The following FSIP2 variants were observed in gnomAD, a reference collection of about 807,000 sequenced individuals.
FSIP2 encodes fibrous sheath-interacting protein 2.
A neutral mutation model predicts 510.5 loss-of-function variants in FSIP2; 367 were observed. The observed-to-expected ratio is 0.72, with a 90% CI of 0.66 to 0.78. The LOEUF (loss-of-function observed/expected upper bound fraction) is 0.78, where lower values mean the gene tolerates loss of function less well. Ranked by LOEUF, FSIP2 falls within the 30% of genes least tolerant of loss-of-function variation. The pLI is 0.00. For synonymous variants in FSIP2, 2,601 were observed against 2,732.2 expected (o/e 0.95, Z 1.50); for missense variants, 7,594 against 7,901.7 (o/e 0.96, Z 1.48).
Position 185,794,554 on chromosome 2 carries a change from G to A in FSIP2, c.7418G>A (p.Gly2473Glu), listed in dbSNP as rs1201520022. The change falls in exon 16 of 23, where the codon GGA (glycine) becomes GAA (glutamate). Residue 2473 changes from glycine (G) to glutamate (E), a missense_variant. Gly to Glu is a moderately conservative substitution (Grantham distance 98, BLOSUM62 -2). Transcript: ENST00000424728. Reference protein sequence around the residue: ...IVLEEIFMRNGESKNKEKGEL... With the variant: ...IVLEEIFMRNEESKNKEKGEL... The stretch of plus-strand genomic sequence containing the variant: ...TTGGAAGAAATATTTATGAGAAATG[G>A]AGAATCAAAAAACAAAGAAAAAGGT... The A allele has an allele frequency of 1.3e-6, 2 of 1,530,726 alleles. No homozygotes were observed. The highest frequency in any genetic ancestry group is 1.7e-6 in the Non-Finnish European group (2 of 1,144,720). The allele number at this position is 1,530,726 out of a possible 1,614,324, so 94.8% of individuals were successfully genotyped here.
chr2:185,831,904 C>A (rs747837451), intron 22 of FSIP2, 22 bp downstream of exon 22: 12 of 1,432,006 alleles, frequency 8.4e-6, no homozygotes, highest in Non-Finnish European at 1.2e-5. Context: ...ACTATTTTAA[C>A]AACTGGTGTA....
rs1470466343 is a variant in FSIP2, at chr2:185,747,383, A to G, written c.830A>G (p.Glu277Gly). 6.5e-7 allele frequency: 1 copy of G among 1,531,626 alleles called. No individual in the cohort carries two copies. The highest frequency in any genetic ancestry group is 1.4e-5 in the African/African-American group (1 of 72,894). The allele number at this position is 1,531,626 out of a possible 1,614,324, so 94.9% of individuals were successfully genotyped here. ...AEDVKREERI[E>G]EQQHRNREES... Reference sequence around the variant, plus strand: ...GATGTTAAAAGAGAAGAGAGGATAGAAGAACAACAGCATAGAAACAGAGAA... The same window carrying G: ...GATGTTAAAAGAGAAGAGAGGATAGGAGAACAACAGCATAGAAACAGAGAA... The change falls in exon 7 of 23, where the codon GAA becomes GGA. Residue 277 changes from glutamate to glycine, a missense_variant. Coordinates refer to ENST00000424728, the MANE Select transcript of FSIP2 (RefSeq NM_173651.4).
chr2:185,791,039 T>C lies in FSIP2; in HGVS notation c.3903T>C (p.Ile1301=). 6.5e-7 allele frequency: 1 copy of C among 1,532,274 alleles called. No individual in the cohort carries two copies. The highest frequency in any genetic ancestry group is 2.5e-5 in the East Asian group (1 of 40,798). 94.9% of individuals were successfully genotyped at this position (1,532,274 alleles called of 1,614,324 possible). ...AGTACACAGCTAAAATAGTAAACAT[T>C]GTTTTATGTGCTATCCAGAATGAAC... ...LSKYTAKIVN[I]VLCAIQNELE... The change falls in exon 16 of 23, where the codon ATT becomes ATC. Residue 1301 remains isoleucine, a synonymous_variant. Transcript: ENST00000424728.
rs1340219118 is a variant in FSIP2 at position 185,804,887 on chromosome 2, T to C, written c.15581T>C (p.Ile5194Thr). Residue 5194 changes from isoleucine (I) to threonine (T), a missense_variant, in exon 17 of 23, where the codon ATA becomes ACA. Transcript: ENST00000424728. ...CCTATTGAAAATTTGGTCGACTCCA[T>C]ATGTAATAATATTTTGAAAACATCT... ...LEPIENLVDSICNNILKTSEF... is the reference protein window; with the variant it reads ...LEPIENLVDSTCNNILKTSEF... The C allele has an allele frequency of 3.3e-6, 5 of 1,523,536 alleles. No individual in the cohort carries two copies. The highest frequency in any genetic ancestry group is 2.8e-5 in the African/African-American group (2 of 72,012). 94.4% of individuals were successfully genotyped at this position (1,523,536 alleles called of 1,614,324 possible).
chr2:185,800,330 A>G lies in FSIP2; in HGVS notation c.11024A>G (p.Tyr3675Cys). The change falls in exon 17 of 23, where the codon TAT becomes TGT. Residue 3675 changes from tyrosine to cysteine, a missense_variant. By Grantham distance (194) the Tyr-to-Cys change is radical. Transcript: ENST00000424728. ...GQLFQKNKLS[Y>C]LACKLNSLVG... ...CTTTTTCAAAAAAATAAGTTAAGTT[A>G]TCTTGCATGTAAGTTAAACAGCCTG... 2 of 1,533,506 alleles carry G rather than the reference A, an allele frequency of 1.3e-6. No homozygotes were observed. The highest frequency in any genetic ancestry group is 8.7e-7 in the Non-Finnish European group (1 of 1,145,424). The allele number at this position is 1,533,506 out of a possible 1,614,324, so 95.0% of individuals were successfully genotyped here. A position where few individuals can be genotyped will look rare whatever the true frequency, so the allele number is the denominator to read the frequency against.
chr2:185,759,079 G>C (rs776515138), intron 9 of FSIP2, among the ~76,000 whole-genome samples: 32 of 151,054 alleles, frequency 2.1e-4, no homozygotes, highest in Non-Finnish European at 4.0e-4. Context: ...TTGAACAGCA[G>C]TGGTGATTGT....
At chr2:185,738,115 A>G (rs1227715682), upstream of FSIP2, 1 of 166,006 alleles carries the variant, frequency 6.0e-6, no homozygotes, top group Non-Finnish European at 1.3e-5. Flanking sequence ...GGTTAGACAC[A>G]TACTGTCTCT....
At chr2:185,824,156 T>C (rs1693973242) in intron 19 of FSIP2, among the ~76,000 whole-genome samples, 1 of 151,842 alleles carries the variant, frequency 6.6e-6, no homozygotes, top group South Asian at 2.1e-4. Flanking sequence ...TGGAGCTGGA[T>C]GGTAGTGATG....
At chr2:185,769,970 T>G (rs183353170) in intron 13 of FSIP2, among the ~76,000 whole-genome samples, 2 of 152,338 alleles carry the variant, frequency 1.3e-5, no homozygotes, top group East Asian at 3.9e-4. Context: ...TTGGTTACTG[T>G]AGACCTGTAG....
At chr2:185,832,593 A>C (rs1694128331) in intron 22 of FSIP2, among the ~76,000 whole-genome samples, 1 of 151,692 alleles carries the variant, frequency 6.6e-6, no homozygotes, top group Non-Finnish European at 1.5e-5. Flanking sequence ...TTTATGTATA[A>C]AATAATAATT....
Position 185,801,662 on chromosome 2 carries a change from G to C in FSIP2, c.12356G>C (p.Ser4119Thr). ...KPEIILQKLQSNLTEFTSLPR... is the reference protein window; with the variant it reads ...KPEIILQKLQTNLTEFTSLPR... ...GAAATTATATTGCAAAAGCTTCAAA[G>C]TAACCTAACAGAATTTACTTCTCTA... is the stretch of plus-strand genomic sequence containing the variant. Residue 4119 changes from serine to threonine, a missense_variant, in exon 17 of 23, where the codon AGT becomes ACT. By Grantham distance (58) the Ser-to-Thr change is moderately conservative. Coordinates refer to ENST00000424728, the MANE Select transcript of FSIP2 (RefSeq NM_173651.4). 1 of 1,528,722 alleles carries C rather than the reference G, an allele frequency of 6.5e-7. No homozygotes were observed. The highest frequency in any genetic ancestry group is 8.7e-7 in the Non-Finnish European group (1 of 1,143,424). 94.7% of individuals were successfully genotyped at this position (1,528,722 alleles called of 1,614,324 possible).
chr2:185,812,366 G>A (rs918642421), intron 17 of FSIP2, among the ~76,000 whole-genome samples: 11 of 151,986 alleles, frequency 7.2e-5, no homozygotes, highest in African/African-American at 2.7e-4. Context: ...AATTTCTCCC[G>A]TTTCAAACAT....
chr2:185,807,751 A>G lies in FSIP2; in HGVS notation c.18445A>G (p.Ile6149Val), dbSNP rs762754846. The G allele has an allele frequency of 2.7e-5, 44 of 1,612,136 alleles. No individual in the cohort carries two copies. In the Admixed American group the frequency reaches 6.9e-4, roughly 25 times the overall value. The change falls in exon 17 of 23, where the codon ATC (isoleucine) becomes GTC (valine). Residue 6149 changes from isoleucine to valine, a missense_variant. Transcript: ENST00000424728. ...TPHQCVEVEN[I>V]VEKILKDVFQ... ...ACATCAGTGTGTGGAAGTTGAAAACATCGTTGAAAAGATCCTTAAAGATGT... is the reference window on the plus strand; with the variant it reads ...ACATCAGTGTGTGGAAGTTGAAAACGTCGTTGAAAAGATCCTTAAAGATGT...
At chr2:185,821,696 G>A (rs983009202) in intron 19 of FSIP2, among the ~76,000 whole-genome samples, 2 of 151,730 alleles carry the variant, frequency 1.3e-5, no homozygotes, top group Admixed American at 1.3e-4. Flanking sequence ...GGTTAAGATG[G>A]GCAGACTTCT....
Position 185,788,642 on chromosome 2 carries a change from G to T in FSIP2, c.1507-1G>T. On this transcript the variant is annotated splice_acceptor_variant, in intron 15 of 22. Transcript: ENST00000424728. LOFTEE classifies it high-confidence loss of function. ...TTCATCTCTGCTTACCTCCTTTCCAGGTAACTTCTGAAGAACTGAATATTA... is the reference window on the plus strand; with the variant it reads ...TTCATCTCTGCTTACCTCCTTTCCATGTAACTTCTGAAGAACTGAATATTA... The T allele has an allele frequency of 1.3e-6, 2 of 1,482,566 alleles. No individual in the cohort carries two copies. The highest frequency in any genetic ancestry group is 1.3e-5 in the South Asian group (1 of 74,478). 91.8% of individuals were successfully genotyped at this position (1,482,566 alleles called of 1,614,324 possible). A position where few individuals can be genotyped will look rare whatever the true frequency, so the allele number is the denominator to read the frequency against.
chr2:185,797,656 T>C (rs1485529819), intron 16 of FSIP2, 130 bp downstream of exon 16: 2 of 849,962 alleles, frequency 2.4e-6, no homozygotes, highest in Admixed American at 4.6e-5. Context: ...TGGAGGTAGA[T>C]GACTACTGAG....
At chr2:185,821,139 A>C (rs1693911709) in intron 19 of FSIP2, among the ~76,000 whole-genome samples, 1 of 151,810 alleles carries the variant, frequency 6.6e-6, no homozygotes, top group Admixed American at 6.6e-5. Flanking sequence ...GTTTATAGAA[A>C]TAAAAAGGAT....
intron 11 of FSIP2, among the ~76,000 whole-genome samples, chr2:185,762,441 T>C (rs1260038083): frequency 6.6e-6 from 1 of 151,424 alleles, no homozygotes; most frequent in East Asian, 1.9e-4. Flanking sequence ...GTTATGTTTA[T>C]GCAAGTCACT....
At chr2:185,825,825 AC>A (rs1241610242) in intron 20 of FSIP2, among the ~76,000 whole-genome samples, 2 of 151,930 alleles carry the variant, frequency 1.3e-5, no homozygotes, top group East Asian at 3.9e-4. Context: ...TTACACTTTA[AC>A]TCAGAGTAGG....
Sources: allele counts gnomAD v4.1 joint callset (sites outside exome capture counted in the v4.1 genomes callset), GRCh38; gene constraint gnomAD v4.1.1; transcripts MANE v1.5; gene names NCBI Gene and HGNC (gene_info 2026-07-23, HGNC 2026-07-21).